The following MAD2L2 variants were observed in gnomAD, a reference collection of about 807,000 sequenced individuals.
MAD2L2 encodes mitotic arrest deficient 2 like 2.
In MAD2L2, 17 loss-of-function variants were observed where a neutral mutation model predicts 30.5. The observed-to-expected ratio is 0.56, with a 90% CI of 0.38 to 0.84. The LOEUF (loss-of-function observed/expected upper bound fraction) is 0.84. MAD2L2 is among the 40% of genes least tolerant of loss of function. The pLI is 0.00. For synonymous variants in MAD2L2, 101 were observed against 113.9 expected (o/e 0.89, Z 0.72); for missense variants, 213 against 277.4 (o/e 0.77, Z 1.65).
At chr1:11,680,856 AC>A in intron 1 of MAD2L2, 182 bp downstream of exon 1, 1 of 1,135,800 alleles carries the variant, frequency 8.8e-7, no homozygotes, top group Non-Finnish European at 1.1e-6. Context: ...GGGTGGAAAG[AC>A]CACAGCTGTG....
At chr1:11,680,261 G>A in intron 3 of MAD2L2, 92 bp downstream of exon 3, 1 of 1,068,922 alleles carries the variant, frequency 9.4e-7, no homozygotes, top group Non-Finnish European at 1.4e-6. Flanking sequence ...CTCCCAAAGT[G>A]CTAGGATTAC....
chr1:11,677,588 C>A lies in MAD2L2; in HGVS notation c.186G>T (p.Gln62His). The change falls in exon 4 of 9, where the codon CAG becomes CAT. Residue 62 changes from glutamine to histidine, a missense_variant. Physicochemically the swap from Gln to His is conservative, Grantham distance 24. Transcript: ENST00000376692. ...CGCAGTGCAGCGTGTCCTGGATATA[C>A]TGATTCAGCTCCGGGTGGCAGGACA... ...VQMSCHPELN[Q>H]YIQDTLHCVK... The A allele has an allele frequency of 6.2e-7, 1 of 1,613,628 alleles. No individual in the cohort carries two copies.
At chr1:11,675,325 C>T (rs984209719) in intron 7 of MAD2L2, 151 bp from the exon 8 acceptor site, 1 of 608,578 alleles carries the variant, frequency 1.6e-6, no homozygotes, top group Non-Finnish European at 2.9e-6. Flanking sequence ...GGACCGCCCC[C>T]ATCCCCCACA....
intron 3 of MAD2L2, among the ~76,000 whole-genome samples, chr1:11,678,921 T>C (rs1000879171): frequency 6.6e-6 from 1 of 152,128 alleles, no homozygotes; most frequent in African/African-American, 2.4e-5. Context: ...CCCAGCACTT[T>C]GGGAGGCCAA....
At chr1:11,691,219 C>T (rs1349626471) in intron 1 of MAD2L2, among the ~76,000 whole-genome samples, 1 of 151,504 alleles carries the variant, frequency 6.6e-6, no homozygotes, top group East Asian at 2.0e-4. Flanking sequence ...CCTTTTGTGG[C>T]CCCGGGCCCC....
At chr1:11,684,171 G>T (rs1276701323), upstream of MAD2L2, among the ~76,000 whole-genome samples, 1 of 152,138 alleles carries the variant, frequency 6.6e-6, no homozygotes, top group Non-Finnish European at 1.5e-5. Context: ...GTTCCATGGG[G>T]GCGGGGGCAG....
At position 11,674,913 on chromosome 1, in the gene MAD2L2, G is replaced by A; in HGVS notation, c.595-97C>T. 1.4e-6 allele frequency: 2 copies of A among 1,431,522 alleles called. No individual in the cohort carries two copies. The highest frequency in any genetic ancestry group is 2.0e-6 in the Non-Finnish European group (2 of 1,018,788). The allele number at this position is 1,431,522 out of a possible 1,614,324, so 88.7% of individuals were successfully genotyped here. On this transcript the variant is annotated intron_variant, in intron 8 of 8. Transcript: ENST00000376692. The surrounding 1 kb of genome is among the most constrained non-coding windows in gnomAD (Gnocchi z 6.1). ...CCTGGTGGGCAGACCTCCACCACAG[G>A]TGGGGCCTCGTGGCCATAGCCATGG...
In MAD2L2 at chr1:11,687,147, C is replaced by T. The variant is rs952871633; in HGVS notation, c.-692+4266G>A. On this transcript the variant is annotated intron_variant, in intron 1 of 10. Coordinates refer to the MAD2L2 transcript ENST00000235310. This position sits in a 1 kb window ranked among gnomAD's most constrained non-coding sequence, Gnocchi z 4.1. The stretch of plus-strand genomic sequence containing the variant: ...GTGACGCAATCACAGCTCACTGAAG[C>T]CTCAACCTCCTGGGCTCAAGCGATC... Among the ~76,000 whole-genome samples, 2 of 152,154 alleles carry T rather than the reference C, an allele frequency of 1.3e-5. No homozygotes were observed. Among genetic ancestry groups the T allele is most frequent in the Non-Finnish European group, 2.9e-5 (2 of 68,024 alleles).
chr1:11,683,221 C>T (rs1161343571), upstream of MAD2L2, among the ~76,000 whole-genome samples: 5 of 152,160 alleles, frequency 3.3e-5, no homozygotes, highest in East Asian at 9.6e-4. Flanking sequence ...CCATGAGCTC[C>T]CAGCCCCAGC....
At chr1:11,689,881 T>TCACCTCACTCTGTTC (rs1281384760) in intron 1 of MAD2L2, among the ~76,000 whole-genome samples, 2 of 151,924 alleles carry the variant, frequency 1.3e-5, no homozygotes, top group Non-Finnish European at 2.9e-5. Flanking sequence ...CTGTCTGATG[T>TCACCTCACTCTGTTC]CACCTCACTC....
intron 1 of MAD2L2, among the ~76,000 whole-genome samples, chr1:11,686,885 A>T (rs2100719670): frequency 6.6e-6 from 1 of 151,146 alleles, no homozygotes; most frequent in East Asian, 1.9e-4. Context: ...TTCCCTGGGT[A>T]CAATTCAGTG....
Position 11,676,847 on chromosome 1 carries a change from C to T in MAD2L2, c.332+1G>A, listed in dbSNP as rs1434112688. Reference sequence around the variant, plus strand: ...GTGGGCGAGGGGCAGGGGCAGCCCACCTGATGGACAGCAGTGGAGGCTGGG... The same window carrying T: ...GTGGGCGAGGGGCAGGGGCAGCCCATCTGATGGACAGCAGTGGAGGCTGGG... On this transcript the variant is annotated splice_donor_variant, in intron 5 of 8. Transcript: ENST00000376692. LOFTEE classifies it high-confidence loss of function. The T allele has an allele frequency of 1.8e-5, 29 of 1,613,190 alleles. No individual in the cohort carries two copies. The highest frequency in any genetic ancestry group is 2.4e-5 in the Non-Finnish European group (28 of 1,179,252).
Position 11,677,594 on chromosome 1 carries a change from C to A in MAD2L2, c.180G>T (p.Leu60=). ...VPVQMSCHPE[L]NQYIQDTLHC... ...GCAGCGTGTCCTGGATATACTGATT[C>A]AGCTCCGGGTGGCAGGACATCTGCA... Residue 60 remains leucine (L), a synonymous_variant, in exon 4 of 9, where the codon CTG becomes CTT. Coordinates refer to ENST00000376692, the MANE Select transcript of MAD2L2 (RefSeq NM_006341.4). 1.2e-6 allele frequency: 2 copies of A among 1,613,498 alleles called. No individual in the cohort carries two copies. Among genetic ancestry groups the A allele is most frequent in the Middle Eastern group, 1.7e-4 (1 of 6,006 alleles).
At chr1:11,680,651 A>T in intron 1 of MAD2L2, 38 bp from the exon 2 acceptor site, 1 of 1,512,792 alleles carries the variant, frequency 6.6e-7, no homozygotes, top group Non-Finnish European at 8.9e-7. Flanking sequence ...AGTTCCAGAG[A>T]CCCAGGAGCC....
upstream of MAD2L2, chr1:11,682,148 G>A (rs1247597545): frequency 6.6e-6 from 1 of 152,114 alleles, no homozygotes; most frequent in Non-Finnish European, 1.5e-5. Flanking sequence ...GGTTAAACAG[G>A]CCCAGAAACG....
chr1:11,686,826 A>AC (rs1449012996), intron 1 of MAD2L2, among the ~76,000 whole-genome samples: 1 of 151,890 alleles, frequency 6.6e-6, no homozygotes, highest in African/African-American at 2.4e-5. Context: ...AAAAAAAAAA[A>AC]AAAAACTTCT....
upstream of MAD2L2, chr1:11,691,800 T>TCCCGCGGGCGCTCGGCC (rs1641074217): frequency 6.7e-6 from 1 of 148,468 alleles, no homozygotes; most frequent in Non-Finnish European, 1.5e-5. Flanking sequence ...TGCGCTCGGC[T>TCCCGCGGGCGCTCGGCC]CCCGCGGGCG....
In MAD2L2 at chr1:11,676,152, A is replaced by G; in HGVS notation, c.333-12T>C. ...ACAGCGAGTCTGAGCTGGGAGTGAGAGGAGGTCTTCCCATCACACTGGCGC... is the reference window on the plus strand; with the variant it reads ...ACAGCGAGTCTGAGCTGGGAGTGAGGGGAGGTCTTCCCATCACACTGGCGC... On this transcript the variant is annotated splice_polypyrimidine_tract_variant and intron_variant, in intron 5 of 8. Transcript: ENST00000376692. The G allele has an allele frequency of 6.4e-7, 1 of 1,569,150 alleles. No individual in the cohort carries two copies. The highest frequency in any genetic ancestry group is 8.7e-7 in the Non-Finnish European group (1 of 1,150,710).
In MAD2L2 at chr1:11,688,848, A is replaced by G. The variant is rs1349100514; in HGVS notation, c.-692+2565T>C. ...AGGTCATAAAGACCTTGCTGATAAA[A>G]CAGTTTGCAGTAAGGAAGCCTGTCA... is the stretch of plus-strand genomic sequence containing the variant. On this transcript the variant is annotated intron_variant, in intron 1 of 10. Transcript: ENST00000235310. The surrounding 1 kb of genome is among the most constrained non-coding windows in gnomAD (Gnocchi z 4.6). Among the ~76,000 whole-genome samples the G allele has an allele frequency of 6.6e-6, 1 of 152,192 alleles. No homozygotes were observed. Among genetic ancestry groups the G allele is most frequent in the African/African-American group, 2.4e-5 (1 of 41,458 alleles).
Sources: gnomAD v4.1 joint callset for allele counts (sites outside exome capture counted in the v4.1 genomes callset) on GRCh38, gnomAD v4.1.1 for gene constraint, Gnocchi (gnomAD v3.1) non-coding constraint, MANE v1.5 for transcripts, NCBI Gene and HGNC (gene_info 2026-07-23, HGNC 2026-07-21) for gene names.